The following ARRB1 variants were observed in gnomAD, a reference collection of about 807,000 sequenced individuals.
ARRB1 encodes the protein beta-arrestin-1.
Under a neutral mutation model 56.8 loss-of-function variants are expected in ARRB1, and 21 were observed. That is an observed-to-expected ratio of 0.37 (90% CI 0.26 to 0.53). The LOEUF (loss-of-function observed/expected upper bound fraction) is 0.53. ARRB1 is among the 20% of genes least tolerant of loss of function. ARRB1 has a pLI of 0.88. For synonymous variants in ARRB1, 210 were observed against 218.6 expected, an observed-to-expected ratio of 0.96 and a Z score of 0.35; for missense variants, 424 against 553.7, an observed-to-expected ratio of 0.77 and a Z score of 2.35.
intron 1 of ARRB1, among the ~76,000 whole-genome samples, chr11:75,304,521 A>G (rs1946976803): frequency 6.6e-6 from 1 of 152,012 alleles, no homozygotes; most frequent in Non-Finnish European, 1.5e-5. Context: ...GCCAAGTGTC[A>G]CATTTTTAAG....
chr11:75,287,324 C>T lies in ARRB1; in HGVS notation c.103G>A (p.Asp35Asn). 1 of 1,556,490 alleles carries T rather than the reference C, an allele frequency of 6.4e-7. No individual in the cohort carries two copies. Among genetic ancestry groups the T allele is most frequent in the Non-Finnish European group, 8.7e-7 (1 of 1,149,580 alleles). Residue 35 changes from aspartate (D) to asparagine (N), a missense_variant, in exon 3 of 16, where the codon GAC (aspartate) becomes AAC (asparagine). Physicochemically the swap from Asp to Asn is conservative, Grantham distance 23. Transcript: ENST00000420843. ...RDFVDHIDLV[D>N]PVDGVVLVDP... is the part of the protein sequence containing the mutation. ...CCCTCCAGGGACTCACCCACAGGGT[C>T]CACGAGGTCGATGTGGTCCACAAAG...
At chr11:75,347,555 A>G (rs1276623099) in intron 1 of ARRB1, among the ~76,000 whole-genome samples, 1 of 152,222 alleles carries the variant, frequency 6.6e-6, no homozygotes, top group Non-Finnish European at 1.5e-5. Context: ...AGGACGCACA[A>G]CTTGAGGCTG....
chr11:75,311,825 C>T (rs145165645), intron 1 of ARRB1, among the ~76,000 whole-genome samples: 1,988 of 152,306 alleles, frequency 0.013, 28 homozygotes, highest in Non-Finnish European at 0.019. Flanking sequence ...TCCTGTCCGG[C>T]GGCAGCACCC....
chr11:75,266,390 C>A (rs895340952), intron 15 of ARRB1, 116 bp from the exon 16 acceptor site: 2 of 814,000 alleles, frequency 2.5e-6, no homozygotes, highest in Non-Finnish European at 2.1e-6. Flanking sequence ...GGAGAACCAC[C>A]CTCTCTGAGG....
intron 1 of ARRB1, among the ~76,000 whole-genome samples, chr11:75,336,403 C>A (rs1481798180): frequency 6.6e-6 from 1 of 152,106 alleles, no homozygotes; most frequent in Non-Finnish European, 1.5e-5. Context: ...ACATGCTAGG[C>A]CTTCCAGACC....
At chr11:75,269,035 G>A in intron 13 of ARRB1, 76 bp from the exon 14 acceptor site, 10 of 1,493,448 alleles carry the variant, frequency 6.7e-6, no homozygotes, top group Non-Finnish European at 8.3e-6. Flanking sequence ...TGCCCTGTCA[G>A]TCCGAGGACT....
intron 1 of ARRB1, among the ~76,000 whole-genome samples, chr11:75,337,874 C>T (rs1160042904): frequency 6.9e-6 from 1 of 144,690 alleles, no homozygotes; most frequent in Non-Finnish European, 1.5e-5. Context: ...TCAAGTGATC[C>T]GCCTGCCTCG....
chr11:75,288,619 T>TC (rs1461902792), intron 2 of ARRB1, among the ~76,000 whole-genome samples: 1,203 of 30,888 alleles, frequency 0.039, 9 homozygotes, highest in African/African-American at 0.12. Flanking sequence ...AATCTTTCTT[T>TC]TTTTTTTTTT....
rs575173834 is a variant in ARRB1, at chr11:75,262,953, C to G, written c.*3210G>C. On this transcript the variant is annotated 3_prime_UTR_variant, in exon 16 of 16. Coordinates refer to ENST00000420843, the MANE Select transcript of ARRB1 (RefSeq NM_004041.5). The stretch of plus-strand genomic sequence containing the variant: ...TCTTCATGGGGACTGAACTCTTCCC[C>G]TGGGTGGAATGCTGAGGAGGTCCCG... 2.3e-4 allele frequency among the ~76,000 whole-genome samples: 35 copies of G among 152,330 alleles called. No homozygotes were observed. Among genetic ancestry groups the G allele is most frequent in the Non-Finnish European group, 4.3e-4 (29 of 68,036 alleles).
At chr11:75,305,707 T>C (rs1222765745) in intron 1 of ARRB1, among the ~76,000 whole-genome samples, 1 of 152,182 alleles carries the variant, frequency 6.6e-6, no homozygotes, top group Non-Finnish European at 1.5e-5. Flanking sequence ...ACCAGCCTGC[T>C]GTATGGATCA....
intron 7 of ARRB1, among the ~76,000 whole-genome samples, chr11:75,279,484 G>A (rs951640259): frequency 4.0e-5 from 6 of 151,744 alleles, no homozygotes; most frequent in African/African-American, 1.2e-4. Context: ...TGGGAATGCC[G>A]GCATCTCCGT....
Position 75,265,939 on chromosome 11 carries a change from T to TGGC in ARRB1, c.*221_*223dup. The stretch of plus-strand genomic sequence containing the variant: ...AGCATGAAAAGGAGGGGAGTGGAGA[T>TGGC]GGCAGAGATGGGGTGGAGCCAGTGC... On this transcript the variant is annotated 3_prime_UTR_variant, in exon 16 of 16. Coordinates refer to ENST00000420843, the MANE Select transcript of ARRB1 (RefSeq NM_004041.5). 1 of 554,432 alleles carries TGGC rather than the reference T, an allele frequency of 1.8e-6. No individual in the cohort carries two copies. Among genetic ancestry groups the TGGC allele is most frequent in the Non-Finnish European group, 3.2e-6 (1 of 308,808 alleles). 34.3% of individuals were successfully genotyped at this position (554,432 alleles called of 1,614,324 possible).
At chr11:75,290,120 A>C in intron 1 of ARRB1, 81 bp from the exon 2 acceptor site, 2 of 1,575,844 alleles carry the variant, frequency 1.3e-6, no homozygotes, top group South Asian at 1.1e-5. Context: ...TTGAGGCAGG[A>C]CTGGGGACCA....
intron 1 of ARRB1, among the ~76,000 whole-genome samples, chr11:75,341,176 C>A (rs1394800495): frequency 6.6e-6 from 1 of 152,108 alleles, no homozygotes; most frequent in African/African-American, 2.4e-5. Context: ...CTCACTCTGT[C>A]ACTCAGGCTG....
At chr11:75,269,421 C>T (rs1946022928) in intron 13 of ARRB1, among the ~76,000 whole-genome samples, 1 of 152,184 alleles carries the variant, frequency 6.6e-6, no homozygotes, top group Non-Finnish European at 1.5e-5. Context: ...CCAGGGTGCT[C>T]TTGTAAAAGT....
At chr11:75,275,161 T>TA (rs1554972743) in intron 10 of ARRB1, among the ~76,000 whole-genome samples, 3 of 149,632 alleles carry the variant, frequency 2.0e-5, no homozygotes, top group African/African-American at 4.9e-5. Flanking sequence ...TATTTTATTT[T>TA]TTTGAGACAG....
At chr11:75,325,872 C>T (rs1947424504) in intron 1 of ARRB1, among the ~76,000 whole-genome samples, 1 of 152,156 alleles carries the variant, frequency 6.6e-6, no homozygotes, top group Admixed American at 6.5e-5. Context: ...GCCCAGGGCT[C>T]TCTGGTCTGA....
intron 1 of ARRB1, among the ~76,000 whole-genome samples, chr11:75,319,152 C>T (rs1230426943): frequency 6.6e-6 from 1 of 152,170 alleles, no homozygotes; most frequent in African/African-American, 2.4e-5. Flanking sequence ...GCTTGAACCA[C>T]AGCTGGCTCC....
intron 5 of ARRB1, among the ~76,000 whole-genome samples, chr11:75,282,426 A>G (rs1248343664): frequency 1.3e-5 from 2 of 152,232 alleles, no homozygotes; most frequent in African/African-American, 4.8e-5. Context: ...TATAATCACA[A>G]GAGTCCTTAG....
Sources: allele counts gnomAD v4.1 joint callset (sites outside exome capture counted in the v4.1 genomes callset), GRCh38; gene constraint gnomAD v4.1.1; transcripts MANE v1.5; gene names NCBI Gene and HGNC (gene_info 2026-07-23, HGNC 2026-07-21).